IRAG1: variants seen among roughly 807,000 people sequenced by gnomAD.
IRAG1 encodes inositol 1,4,5-triphosphate receptor associated 1.
IRAG1 carries 62 observed loss-of-function variants against 106.2 expected under a neutral mutation model. The ratio of observed to expected loss-of-function variants is 0.58; its 90% confidence interval spans 0.48 to 0.72. The LOEUF (loss-of-function observed/expected upper bound fraction) is 0.72, where lower values mean the gene tolerates loss of function less well. IRAG1 is among the 30% of genes least tolerant of loss of function. The pLI, the probability that IRAG1 is intolerant of heterozygous loss-of-function variation, is 0.00. For synonymous variants in IRAG1, 462 were observed against 443.9 expected, an observed-to-expected ratio of 1.04 and a Z score of -0.51; for missense variants, 1,064 against 1,140.7, an observed-to-expected ratio of 0.93 and a Z score of 0.97.
At chr11:10,676,758 T>C (rs746907698) in intron 1 of IRAG1, among the ~76,000 whole-genome samples, 2 of 152,254 alleles carry the variant, frequency 1.3e-5, no homozygotes, top group African/African-American at 2.4e-5. Flanking sequence ...CTCAATGATA[T>C]GATCCAGAAC....
chr11:10,680,409 G>GAA (rs1235045845), intron 1 of IRAG1, among the ~76,000 whole-genome samples: 2 of 133,792 alleles, frequency 1.5e-5, no homozygotes, highest in African/African-American at 5.9e-5. Flanking sequence ...AGGAAGGAAA[G>GAA]AAAGGGAAAG....
At chr11:10,664,987 T>C (rs1859679302) in intron 1 of IRAG1, among the ~76,000 whole-genome samples, 2 of 152,190 alleles carry the variant, frequency 1.3e-5, no homozygotes, top group South Asian at 2.1e-4. Flanking sequence ...ACCCCTTTTT[T>C]CTTAAGCTGG....
rs1302625359 is a variant in IRAG1 at position 10,598,389 on chromosome 11, T to TGACCA, written c.2017+2528_2017+2529insTGGTC. Among the ~76,000 whole-genome samples, 3 of 152,384 alleles carry TGACCA rather than the reference T, an allele frequency of 2.0e-5. No individual in the cohort carries two copies. The East Asian group carries it at 5.8e-4, about 29-fold the overall frequency. Reference sequence around the variant, plus strand: ...CTAAGTGCTTGTGGTCAAAAGATTTTCAAGTTTTCCAGTCAGCCAAAATAG... The same window carrying TGACCA: ...CTAAGTGCTTGTGGTCAAAAGATTTTGACCACAAGTTTTCCAGTCAGCCAAAATAG... On this transcript the variant is annotated intron_variant, in intron 15 of 20. Transcript: ENST00000423302.
intron 1 of IRAG1, among the ~76,000 whole-genome samples, chr11:10,658,881 T>C (rs1234136143): frequency 6.6e-6 from 1 of 151,634 alleles, no homozygotes; most frequent in African/African-American, 2.4e-5. Flanking sequence ...GTCCTAGGTC[T>C]GTGCTGTGGT....
rs187411672 is a variant in IRAG1 at position 10,594,987 on chromosome 11, C to T, written c.2018-792G>A. Among the ~76,000 whole-genome samples the T allele has an allele frequency of 7.1e-4, 108 of 152,206 alleles. 1 individual carries two copies. In the East Asian group the frequency reaches 0.02, roughly 28 times the overall value. ...TCACGTAGGCTGGAGTGCAGTGGCA[C>T]GATCTTGGTTCACTGCAACCTCCGG... On this transcript the variant is annotated intron_variant, in intron 15 of 20. Coordinates refer to ENST00000423302, the MANE Select transcript of IRAG1 (RefSeq NM_130385.4).
intron 8 of IRAG1, 106 bp from the exon 9 acceptor site, chr11:10,626,689 G>C: frequency 7.5e-7 from 1 of 1,328,606 alleles, no homozygotes; most frequent in Non-Finnish European, 1.0e-6. Flanking sequence ...TTGCCAAGGG[G>C]CCCATTTGTA....
intron 13 of IRAG1, 83 bp from the exon 14 acceptor site, chr11:10,603,334 G>A: frequency 1.3e-6 from 2 of 1,521,958 alleles, no homozygotes; most frequent in Non-Finnish European, 8.9e-7. Flanking sequence ...TTCGGCCTCA[G>A]GGACTGGTTT....
chr11:10,628,549 T>C lies in IRAG1; in HGVS notation c.652+202A>G, dbSNP rs16908096. ...CCTGCCTCCCGACACAAGCCCAAGA[T>C]GCTAACAGAAAGTCTATCTGCCTCC... On this transcript the variant is annotated intron_variant, in intron 6 of 20. Transcript: ENST00000423302. This position sits in a 1 kb window ranked among gnomAD's most constrained non-coding sequence, Gnocchi z 4.1. Among the ~76,000 whole-genome samples the C allele has an allele frequency of 0.073, 11,145 of 152,208 alleles. 470 individuals are homozygous for C. Among genetic ancestry groups the C allele is most frequent in the Admixed American group, 0.12 (1,912 of 15,296 alleles).
At chr11:10,580,323 T>G in intron 20 of IRAG1, 132 bp downstream of exon 20, 1 of 1,376,706 alleles carries the variant, frequency 7.3e-7, no homozygotes, top group East Asian at 2.3e-5. Context: ...CTTGGTTTCT[T>G]GGGCTACTCA....
intron 1 of IRAG1, among the ~76,000 whole-genome samples, chr11:10,692,258 GT>G (rs1264874921): frequency 1.3e-5 from 2 of 152,024 alleles, no homozygotes; most frequent in Admixed American, 6.6e-5. Context: ...AATGACAACT[GT>G]TTTGTCCATT....
chr11:10,690,371 TA>T (rs397966784), intron 1 of IRAG1: 147,639 of 1,007,298 alleles, frequency 0.15, no homozygotes, highest in South Asian at 0.2. Context: ...AGACCCTGTC[TA>T]AAAAAAAAAA....
At chr11:10,648,563 A>ATT (rs1309189857) in intron 2 of IRAG1, among the ~76,000 whole-genome samples, 1 of 152,120 alleles carries the variant, frequency 6.6e-6, no homozygotes, top group African/African-American at 2.4e-5. Context: ...GCAGTCTGTC[A>ATT]TTCTGTGGTC....
At chr11:10,661,131 G>C (rs887975608) in intron 1 of IRAG1, among the ~76,000 whole-genome samples, 1 of 151,928 alleles carries the variant, frequency 6.6e-6, no homozygotes, top group Non-Finnish European at 1.5e-5. Flanking sequence ...CCCCTCTCTC[G>C]AGGCTGATCC....
intron 2 of IRAG1, among the ~76,000 whole-genome samples, chr11:10,644,141 G>A (rs1857757286): frequency 6.6e-6 from 1 of 152,186 alleles, no homozygotes; most frequent in South Asian, 2.1e-4. Context: ...CCTAGCTAGG[G>A]CCAGGAAAGG....
chr11:10,633,144 G>A (rs987667387), intron 3 of IRAG1, among the ~76,000 whole-genome samples: 2 of 149,258 alleles, frequency 1.3e-5, no homozygotes, highest in African/African-American at 4.9e-5. Flanking sequence ...GCGCGATCTG[G>A]GCTCACTGCA....
At chr11:10,582,666 G>A (rs1197566688) in intron 18 of IRAG1, among the ~76,000 whole-genome samples, 1 of 152,168 alleles carries the variant, frequency 6.6e-6, no homozygotes, top group Non-Finnish European at 1.5e-5. Context: ...ATTAATAGCA[G>A]AGGAGAGGGT....
At chr11:10,633,284 C>T (rs893665609) in intron 3 of IRAG1, among the ~76,000 whole-genome samples, 5 of 152,118 alleles carry the variant, frequency 3.3e-5, no homozygotes, top group South Asian at 2.1e-4. Flanking sequence ...ACTGTGTTAG[C>T]CAGGATGGTC....
intron 4 of IRAG1, among the ~76,000 whole-genome samples, chr11:10,630,367 C>T: frequency 7.0e-6 from 1 of 143,194 alleles, no homozygotes; most frequent in African/African-American, 2.5e-5. Context: ...CTCATTAGCT[C>T]TTTTTTTTTT....
rs1483609774 is a variant in IRAG1, at chr11:10,665,988, T to C, written c.68-13806A>G. ...GGGTGGAAGCCGGGAGGGTAGAGCC[T>C]GGGAATGGCTCTCCCAACAGCAAGC... On this transcript the variant is annotated intron_variant, in intron 1 of 20. Transcript: ENST00000423302. This position sits in a 1 kb window ranked among gnomAD's most constrained non-coding sequence, Gnocchi z 4.2. 6.6e-6 allele frequency among the ~76,000 whole-genome samples: 1 copy of C among 152,156 alleles called. No homozygotes were observed. The highest frequency in any genetic ancestry group is 1.9e-4 in the East Asian group (1 of 5,198).
Sources: allele counts gnomAD v4.1 joint callset (sites outside exome capture counted in the v4.1 genomes callset), GRCh38; gene constraint gnomAD v4.1.1; non-coding constraint Gnocchi (gnomAD v3.1); transcripts MANE v1.5; gene names NCBI Gene and HGNC (gene_info 2026-07-23, HGNC 2026-07-21).